ACER2: variants seen among roughly 807,000 people sequenced by gnomAD.
The protein encoded by ACER2 is alkaline ceramidase 2, also known as alkCDase 2.
ACER2 carries 26 observed loss-of-function variants against 34.7 expected under a neutral mutation model. That is an observed-to-expected ratio of 0.75 (90% CI 0.55 to 1.04). The LOEUF is 1.04. ACER2 is among the 50% of genes least tolerant of loss of function. ACER2 has a pLI of 0.00. For synonymous variants in ACER2, 138 were observed against 132.1 expected (o/e 1.04, Z -0.31); for missense variants, 352 against 340.8 (o/e 1.03, Z -0.26).
chr9:19,419,436 C>T (rs1465152957), intron 1 of ACER2, among the ~76,000 whole-genome samples: 2 of 152,114 alleles, frequency 1.3e-5, no homozygotes, highest in African/African-American at 4.8e-5. Flanking sequence ...ACATAGCACT[C>T]CTATGTGGGA....
intron 4 of ACER2, among the ~76,000 whole-genome samples, chr9:19,440,794 G>C (rs1831130921): frequency 1.3e-5 from 2 of 152,076 alleles, no homozygotes; most frequent in Non-Finnish European, 2.9e-5. Context: ...CTCCAACCCA[G>C]TCCTTCCTCT....
Position 19,441,110 on chromosome 9 carries a change from T to C in ACER2, c.504-5171T>C, listed in dbSNP as rs575826494. On this transcript the variant is annotated intron_variant, in intron 4 of 5. Coordinates refer to ENST00000340967, the MANE Select transcript of ACER2 (RefSeq NM_001010887.3). ...TCACCCAGGCTGGAGTGCAGTGGCA[T>C]GATCTCACAGCTCACTGCAACCTCC... 1.3e-3 allele frequency among the ~76,000 whole-genome samples: 198 copies of C among 151,174 alleles called. 1 individual carries two copies. The highest frequency in any genetic ancestry group is 6.8e-3 in the Middle Eastern group (2 of 292).
At chr9:19,410,435 C>A (rs925914393) in intron 1 of ACER2, among the ~76,000 whole-genome samples, 1 of 152,158 alleles carries the variant, frequency 6.6e-6, no homozygotes, top group Non-Finnish European at 1.5e-5. Context: ...TAAGGCTGGG[C>A]GTTGTGGCTC....
chr9:19,446,747 GA>G, intron 5 of ACER2: 1 of 642,716 alleles, frequency 1.6e-6, no homozygotes. Context: ...TGGGGGAGGG[GA>G]GAGGTAGGGG....
chr9:19,438,296 G>A (rs925169692), intron 4 of ACER2, among the ~76,000 whole-genome samples: 10 of 152,122 alleles, frequency 6.6e-5, no homozygotes, highest in African/African-American at 2.4e-4. Context: ...GCAAATACTT[G>A]TTGCCTTTCC....
chr9:19,437,285 C>G (rs894029870), intron 4 of ACER2, among the ~76,000 whole-genome samples: 1 of 152,176 alleles, frequency 6.6e-6, no homozygotes, highest in Non-Finnish European at 1.5e-5. Context: ...GTGCCTTTCC[C>G]AAATTCTGTC....
At position 19,414,479 on chromosome 9, in the gene ACER2, A is replaced by G. The variant is rs368977183; in HGVS notation, c.108+5287A>G. Among the ~76,000 whole-genome samples the G allele has an allele frequency of 2.3e-3, 354 of 152,336 alleles. 1 individual carries two copies. The highest frequency in any genetic ancestry group is 0.012 in the South Asian group (59 of 4,828). ...ATAGAATGAAGAACTTTCTAAGGAA[A>G]TAATACATTTTAAAAATTGTGGGCT... On this transcript the variant is annotated intron_variant, in intron 1 of 5. Coordinates refer to ENST00000340967, the MANE Select transcript of ACER2 (RefSeq NM_001010887.3).
intron 1 of ACER2, among the ~76,000 whole-genome samples, chr9:19,414,793 C>G (rs1012889401): frequency 2.0e-5 from 3 of 150,868 alleles, no homozygotes; most frequent in African/African-American, 4.9e-5. Flanking sequence ...ATGCAGTGAG[C>G]CAAGATCGCG....
At chr9:19,410,508 G>C (rs1308303377) in intron 1 of ACER2, among the ~76,000 whole-genome samples, 1 of 152,150 alleles carries the variant, frequency 6.6e-6, no homozygotes, top group Non-Finnish European at 1.5e-5. Flanking sequence ...CCAGGAGTTC[G>C]AGACCAACCT....
chr9:19,424,013 G>T (rs762419634), intron 2 of ACER2, 37 bp downstream of exon 2: 9 of 1,471,268 alleles, frequency 6.1e-6, no homozygotes, highest in Non-Finnish European at 8.6e-6. Context: ...ACTTAATGGG[G>T]TGGTGGGATG....
At chr9:19,445,504 G>T (rs1463379539) in intron 4 of ACER2, among the ~76,000 whole-genome samples, 1 of 152,192 alleles carries the variant, frequency 6.6e-6, no homozygotes, top group East Asian at 1.9e-4. Context: ...CCTGGGAGGT[G>T]GAGACAGGTG....
Position 19,434,141 on chromosome 9 carries a change from C to T in ACER2, c.366-806C>T, listed in dbSNP as rs1336549030. 1.4e-4 allele frequency among the ~76,000 whole-genome samples: 21 copies of T among 146,724 alleles called. 1 individual carries two copies. The highest frequency in any genetic ancestry group is 4.3e-4 in the African/African-American group (17 of 39,216). ...GCTCCTCACATCCCAGACAGGGCGGCGGGGCAGAGGCGCTCCCCACATCCC... is the reference window on the plus strand; with the variant it reads ...GCTCCTCACATCCCAGACAGGGCGGTGGGGCAGAGGCGCTCCCCACATCCC... On this transcript the variant is annotated intron_variant, in intron 3 of 5. Coordinates refer to ENST00000340967, the MANE Select transcript of ACER2 (RefSeq NM_001010887.3).
chr9:19,428,388 G>A (rs564414168), intron 3 of ACER2, among the ~76,000 whole-genome samples: 29 of 151,734 alleles, frequency 1.9e-4, no homozygotes, highest in South Asian at 1.0e-3. Flanking sequence ...GGCTGGTCTC[G>A]AACTCCTCAC....
chr9:19,446,667 C>A, intron 5 of ACER2: 1 of 976,754 alleles, frequency 1.0e-6, no homozygotes, highest in Non-Finnish European at 1.2e-6. Flanking sequence ...AGTCTTTTAC[C>A]TCTAACTCCA....
chr9:19,432,749 A>G (rs2132498729), intron 3 of ACER2, among the ~76,000 whole-genome samples: 1 of 148,088 alleles, frequency 6.8e-6, no homozygotes, highest in African/African-American at 2.4e-5. Context: ...ATATAAATAT[A>G]TTTAATTAAA....
chr9:19,422,803 G>A (rs1192859940), intron 1 of ACER2, among the ~76,000 whole-genome samples: 2 of 151,902 alleles, frequency 1.3e-5, no homozygotes, highest in Non-Finnish European at 2.9e-5. Context: ...GGCCTGAGAC[G>A]AGTGGATCAC....
At chr9:19,429,120 T>A (rs940162006) in intron 3 of ACER2, among the ~76,000 whole-genome samples, 1 of 151,976 alleles carries the variant, frequency 6.6e-6, no homozygotes, top group Admixed American at 6.6e-5. Context: ...TAGTTGTACA[T>A]ATTTTATGTA....
At chr9:19,411,081 T>A (rs1830072686) in intron 1 of ACER2, among the ~76,000 whole-genome samples, 1 of 152,170 alleles carries the variant, frequency 6.6e-6, no homozygotes, top group Admixed American at 6.6e-5. Flanking sequence ...TTGAAAAGTG[T>A]CATAGGGCTG....
At position 19,415,202 on chromosome 9, in the gene ACER2, CTGTT is replaced by C. The variant is rs537702110; in HGVS notation, c.108+6013_108+6016del. Among the ~76,000 whole-genome samples, 873 of 152,228 alleles carry C rather than the reference CTGTT, an allele frequency of 5.7e-3. 5 individuals are homozygous for C. The highest frequency in any genetic ancestry group is 0.02 in the African/African-American group (828 of 41,536). ...CTTCTAATATGCACATTTAAAGAAA[CTGTT>C]TGGGCCAGGTGTGGTGGCTTATGCC... On this transcript the variant is annotated intron_variant, in intron 1 of 5. Coordinates refer to ENST00000340967, the MANE Select transcript of ACER2 (RefSeq NM_001010887.3).
Sources: allele counts gnomAD v4.1 joint callset (sites outside exome capture counted in the v4.1 genomes callset), GRCh38; gene constraint gnomAD v4.1.1; transcripts MANE v1.5; gene names NCBI Gene and HGNC (gene_info 2026-07-23, HGNC 2026-07-21).